Variants in OTOP3 observed in about 807,000 individuals in gnomAD.
OTOP3 encodes otopetrin 3, also known as proton channel OTOP3.
A neutral mutation model predicts 50.8 loss-of-function variants in OTOP3; 41 were observed. That is an observed-to-expected ratio of 0.81 (90% confidence interval 0.63 to 1.05). The LOEUF (loss-of-function observed/expected upper bound fraction) is 1.05, where lower values mean the gene tolerates loss of function less well. OTOP3 is among the 50% of genes least tolerant of loss of function. The probability of loss-of-function intolerance (pLI) is 0.00; values close to 1 mark genes in which losing one functional copy is unlikely to be tolerated. For missense variants in OTOP3, 788 were observed against 760.8 expected, an observed-to-expected ratio of 1.04 and a Z score of -0.42; for synonymous variants, 320 against 324.4, an observed-to-expected ratio of 0.99 and a Z score of 0.14.
chr17:74,948,419 G>A (rs1389048899), intron 6 of OTOP3, among the ~76,000 whole-genome samples: 4 of 152,164 alleles, frequency 2.6e-5, no homozygotes, highest in Non-Finnish European at 4.4e-5. Context: ...CCAGCACTTC[G>A]GGAGACTGAG....
chr17:74,942,079 C>T (rs776207847), intron 3 of OTOP3, 42 bp downstream of exon 3: 1 of 1,564,818 alleles, frequency 6.4e-7, no homozygotes, highest in South Asian at 1.2e-5. Context: ...AGGACATACC[C>T]TATCTACCCA....
rs145029319 is a variant in OTOP3 at position 74,947,072 on chromosome 17, C to A, written c.1163C>A (p.Thr388Lys). Residue 388 changes from threonine to lysine, a missense_variant, in exon 6 of 7, where the codon ACG becomes AAG. Coordinates refer to ENST00000328801, the MANE Select transcript of OTOP3 (RefSeq NM_001272005.2). ...GGGCTGGAGGAGAGAGAGCTGGACACGGTCAAGAACCCTACCCGCAGCCTG... is the reference window on the plus strand; with the variant it reads ...GGGCTGGAGGAGAGAGAGCTGGACAAGGTCAAGAACCCTACCCGCAGCCTG... Reference protein sequence around the residue: ...IHGLEERELDTVKNPTRSLDV... With the variant: ...IHGLEERELDKVKNPTRSLDV... The A allele has an allele frequency of 6.2e-7, 1 of 1,614,086 alleles. No homozygotes were observed.
intron 5 of OTOP3, among the ~76,000 whole-genome samples, chr17:74,944,295 C>T (rs2039205781): frequency 6.6e-6 from 1 of 152,196 alleles, no homozygotes; most frequent in Admixed American, 6.5e-5. Context: ...ATCACCATCA[C>T]GCCCTGCAGC....
At position 74,943,323 on chromosome 17, in the gene OTOP3, G is replaced by A. The variant is rs149742797; in HGVS notation, c.611G>A (p.Arg204Gln). ...TGGAAACACTGCAAAGACTGTGTTCGGGTCCAGACCAACTTCACTAGGTAA... is the reference window on the plus strand; with the variant it reads ...TGGAAACACTGCAAAGACTGTGTTCAGGTCCAGACCAACTTCACTAGGTAA... Reference protein sequence around the residue: ...VLWKHCKDCVRVQTNFTRCGL... With the variant: ...VLWKHCKDCVQVQTNFTRCGL... Residue 204 changes from arginine to glutamine, a missense_variant, in exon 4 of 7, where the codon CGG (arginine) becomes CAG (glutamine). Transcript: ENST00000328801. 1.3e-4 allele frequency: 217 copies of A among 1,614,142 alleles called. No individual in the cohort carries two copies. Among genetic ancestry groups the A allele is most frequent in the Middle Eastern group, 6.6e-4 (4 of 6,062 alleles).
At chr17:74,943,848 A>T in intron 5 of OTOP3, 124 bp downstream of exon 5, 5 of 805,686 alleles carry the variant, frequency 6.2e-6, no homozygotes, top group Non-Finnish European at 9.8e-6. Context: ...TAGAGTTGGG[A>T]GCAAACTCTA....
In OTOP3 at chr17:74,941,664, C is replaced by T. The variant is rs774954844; in HGVS notation, c.291C>T (p.Ala97=). 9 of 1,614,004 alleles carry T rather than the reference C, an allele frequency of 5.6e-6. No homozygotes were observed. Among genetic ancestry groups the T allele is most frequent in the East Asian group, 2.2e-5 (1 of 44,902 alleles). The change falls in exon 2 of 7, where the codon GCC becomes GCT. Residue 97 remains alanine (A), a synonymous_variant. Transcript: ENST00000328801. ...GCAGCATGATCTTCAACAAGGTGGC[C>T]GTCACTCTGGGTGACGTGTGGATCC... is the stretch of plus-strand genomic sequence containing the variant. The part of the protein sequence containing the change: ...FICSMIFNKV[A]VTLGDVWILL...
chr17:74,941,950 A>G lies in OTOP3; in HGVS notation c.486A>G (p.Arg162=), dbSNP rs2039180643. ...GCACCTTCTGCCTCAACATCTTCCG[A>G]GTGGGCTACGATGTGAGCCACATCC... ...GSCTFCLNIF[R]VGYDVSHIRC... is the part of the protein sequence containing the mutation. The change falls in exon 3 of 7, where the codon CGA becomes CGG. Residue 162 remains arginine, a synonymous_variant. Transcript: ENST00000328801. 1.2e-6 allele frequency: 2 copies of G among 1,613,140 alleles called. No homozygotes were observed. Among genetic ancestry groups the G allele is most frequent in the African/African-American group, 2.7e-5 (2 of 74,966 alleles).
Position 74,943,684 on chromosome 17 carries a change from G to A in OTOP3, c.711G>A (p.Glu237=). ...LAVTNDSMHR[E]IEAELGILME... ...TTACCAATGACTCCATGCACCGAGA[G>A]ATCGAAGCTGAGCTTGGCATCCTCA... The change falls in exon 5 of 7, where the codon GAG becomes GAA. Residue 237 remains glutamate, a synonymous_variant. Coordinates refer to ENST00000328801, the MANE Select transcript of OTOP3 (RefSeq NM_001272005.2). 1 of 1,611,658 alleles carries A rather than the reference G, an allele frequency of 6.2e-7. No homozygotes were observed. The highest frequency in any genetic ancestry group is 1.1e-5 in the South Asian group (1 of 91,024).
In OTOP3 at chr17:74,941,820, G is replaced by T; in HGVS notation, c.436+11G>T. 1.2e-6 allele frequency: 2 copies of T among 1,601,860 alleles called. No homozygotes were observed. Among genetic ancestry groups the T allele is most frequent in the Non-Finnish European group, 1.7e-6 (2 of 1,172,586 alleles). On this transcript the variant is annotated intron_variant, in intron 2 of 6. Transcript: ENST00000328801. ...CCCTCTGGGTGCGGGGTGAGTGTCA[G>T]GTTGCTGGGGGGCTGGGCAGGGGTG... is the stretch of plus-strand genomic sequence containing the variant.
intron 1 of OTOP3, among the ~76,000 whole-genome samples, chr17:74,937,686 T>A (rs1042791469): frequency 1.3e-5 from 2 of 152,170 alleles, no homozygotes; most frequent in African/African-American, 4.8e-5. Flanking sequence ...TCCCAAAAGA[T>A]GCCAGAGTCA....
At chr17:74,936,601 C>T (rs2039117794) in intron 1 of OTOP3, among the ~76,000 whole-genome samples, 1 of 152,176 alleles carries the variant, frequency 6.6e-6, no homozygotes, top group Non-Finnish European at 1.5e-5. Flanking sequence ...AGCCCGGGAC[C>T]AAATTCGCTC....
chr17:74,949,444 A>G lies in OTOP3; in HGVS notation c.*28A>G. 3.1e-6 allele frequency: 5 copies of G among 1,608,004 alleles called. No individual in the cohort carries two copies. Among genetic ancestry groups the G allele is most frequent in the Non-Finnish European group, 4.2e-6 (5 of 1,177,386 alleles). On this transcript the variant is annotated 3_prime_UTR_variant, in exon 7 of 7. Coordinates refer to ENST00000328801, the MANE Select transcript of OTOP3 (RefSeq NM_001272005.2). ...CTGCCCACCCCCGGCAGAACCTCGA[A>G]GTGCCAAGGTGGGGAAGATGGTAGC...
intron 5 of OTOP3, among the ~76,000 whole-genome samples, 178 bp from the exon 6 acceptor site, chr17:74,946,483 C>G (rs2039224964): frequency 6.6e-6 from 1 of 152,208 alleles, no homozygotes; most frequent in South Asian, 2.1e-4. Flanking sequence ...AAAGAATGAC[C>G]ATTCTGTGGG....
chr17:74,941,941 C>T lies in OTOP3; in HGVS notation c.477C>T (p.Asn159=). ...VLFGSCTFCL[N]IFRVGYDVSH... ...TCGGCAGCTGCACCTTCTGCCTCAA[C>T]ATCTTCCGAGTGGGCTACGATGTGA... is the stretch of plus-strand genomic sequence containing the variant. The change falls in exon 3 of 7, where the codon AAC becomes AAT. Residue 159 remains asparagine, a synonymous_variant. Transcript: ENST00000328801. 1 of 1,612,986 alleles carries T rather than the reference C, an allele frequency of 6.2e-7. No homozygotes were observed. The highest frequency in any genetic ancestry group is 8.5e-7 in the Non-Finnish European group (1 of 1,179,288).
At chr17:74,937,661 C>A (rs535516185) in intron 1 of OTOP3, among the ~76,000 whole-genome samples, 22 of 152,272 alleles carry the variant, frequency 1.4e-4, no homozygotes, top group Admixed American at 1.4e-3. Flanking sequence ...GTCCACAGCT[C>A]TGGTGCTGAA....
intron 6 of OTOP3, among the ~76,000 whole-genome samples, chr17:74,948,016 G>C (rs1471260715): frequency 1.3e-5 from 2 of 152,208 alleles, no homozygotes; most frequent in Non-Finnish European, 2.9e-5. Flanking sequence ...ACTCAGGGTT[G>C]TGTTTGACTC....
intron 4 of OTOP3, 35 bp downstream of exon 4, chr17:74,943,379 C>A: frequency 6.2e-7 from 1 of 1,600,748 alleles, no homozygotes. Flanking sequence ...CCTCTGGCCT[C>A]TCTGTCCTCC....
rs2039258086 is a variant in OTOP3 at position 74,949,158 on chromosome 17, G to C, written c.1567-88G>C. 7.1e-6 allele frequency: 10 copies of C among 1,403,464 alleles called. No individual in the cohort carries two copies. The Admixed American group carries it at 1.8e-4, about 25-fold the overall frequency. The allele number at this position is 1,403,464 out of a possible 1,614,324, so 86.9% of individuals were successfully genotyped here. On this transcript the variant is annotated intron_variant, in intron 6 of 6. Coordinates refer to ENST00000328801, the MANE Select transcript of OTOP3 (RefSeq NM_001272005.2). ...GGGAGGTGGGGGTGGCACTGGAGGGGCTGCAGGTTTGGGGGCTGCCTCCCC... is the reference window on the plus strand; with the variant it reads ...GGGAGGTGGGGGTGGCACTGGAGGGCCTGCAGGTTTGGGGGCTGCCTCCCC...
intron 1 of OTOP3, 62 bp downstream of exon 1, chr17:74,936,002 A>C: frequency 6.5e-7 from 1 of 1,532,316 alleles, no homozygotes; most frequent in Non-Finnish European, 8.7e-7. Flanking sequence ...GGCACATACT[A>C]CCCACCCCCC....
Sources: gnomAD v4.1 joint callset for allele counts (sites outside exome capture counted in the v4.1 genomes callset) on GRCh38, gnomAD v4.1.1 for gene constraint, MANE v1.5 for transcripts, NCBI Gene and HGNC (gene_info 2026-07-23, HGNC 2026-07-21) for gene names.